SORCS3: variants seen among roughly 807,000 people sequenced by gnomAD.
The protein encoded by SORCS3 is VPS10 domain-containing receptor SorCS3.
A neutral mutation model predicts 146.3 loss-of-function variants in SORCS3; 57 were observed. That is an observed-to-expected ratio of 0.39 (90% CI 0.31 to 0.49). SORCS3 has a LOEUF of 0.49. SORCS3 is among the 20% of genes least tolerant of loss of function. The pLI, the probability that SORCS3 is intolerant of heterozygous loss-of-function variation, is 0.92. For missense variants in SORCS3, 1,341 were observed against 1,575.5 expected (o/e 0.85, Z 2.52); for synonymous variants, 653 against 618.5 (o/e 1.06, Z -0.83).
chr10:104,750,094 A>G (rs1028346108), intron 1 of SORCS3, among the ~76,000 whole-genome samples: 1 of 152,206 alleles, frequency 6.6e-6, no homozygotes, highest in Non-Finnish European at 1.5e-5. Context: ...GGGTAGTACT[A>G]ACTTATATTA....
chr10:104,954,408 G>A (rs2019465668), intron 3 of SORCS3, among the ~76,000 whole-genome samples: 2 of 152,178 alleles, frequency 1.3e-5, no homozygotes, highest in South Asian at 4.2e-4. Context: ...AAAGCCAGGT[G>A]GGTGAGATAC....
intron 4 of SORCS3, 87 bp from the exon 5 acceptor site, chr10:105,042,968 G>C: frequency 8.9e-7 from 1 of 1,117,548 alleles, no homozygotes; most frequent in Admixed American, 1.7e-5. Context: ...TGGGCACTCT[G>C]GTGTTGGGAT....
chr10:105,166,369 C>T (rs542178688), intron 12 of SORCS3, among the ~76,000 whole-genome samples: 1 of 152,234 alleles, frequency 6.6e-6, no homozygotes, highest in East Asian at 1.9e-4. Context: ...TAGGAATTCT[C>T]CAAGCATACT....
intron 1 of SORCS3, among the ~76,000 whole-genome samples, chr10:104,827,847 A>C (rs2017955766): frequency 6.6e-6 from 1 of 152,174 alleles, no homozygotes; most frequent in Non-Finnish European, 1.5e-5. Context: ...CTCCATCAGA[A>C]CTTGCTGCTT....
intron 20 of SORCS3, among the ~76,000 whole-genome samples, chr10:105,230,147 T>G (rs1469633743): frequency 6.6e-6 from 1 of 152,032 alleles, no homozygotes; most frequent in Non-Finnish European, 1.5e-5. Flanking sequence ...GTACTGGTTG[T>G]GGTAGACTAG....
chr10:104,821,291 T>C (rs139844284), intron 1 of SORCS3, among the ~76,000 whole-genome samples: 315 of 152,246 alleles, frequency 2.1e-3, no homozygotes, highest in Middle Eastern at 0.01. Flanking sequence ...CCAGAAAATA[T>C]AATGGGCCAC....
chr10:104,741,180 A>C (rs149827079), intron 1 of SORCS3, among the ~76,000 whole-genome samples: 70 of 118,230 alleles, frequency 5.9e-4, no homozygotes, highest in Admixed American at 3.6e-3. Flanking sequence ...TATGTTGCCC[A>C]GGTTGTTCTC....
At chr10:105,081,443 G>A (rs2055624777) in intron 5 of SORCS3, among the ~76,000 whole-genome samples, 1 of 152,296 alleles carries the variant, frequency 6.6e-6, no homozygotes, top group East Asian at 1.9e-4. Flanking sequence ...TTGGTTTCTG[G>A]TCTATGGCAT....
chr10:104,940,230 ATATATATATTTTTTTTTTTT>A (rs1234641124), intron 3 of SORCS3, among the ~76,000 whole-genome samples: 1 of 23,946 alleles, frequency 4.2e-5, no homozygotes, highest in African/African-American at 1.6e-4. Flanking sequence ...ATATATATAT[ATATATATATTTTTTTTTTTT>A]TTTTTATTAT....
intron 7 of SORCS3, among the ~76,000 whole-genome samples, chr10:105,117,390 G>A (rs1329663709): frequency 6.6e-6 from 1 of 152,178 alleles, no homozygotes; most frequent in Non-Finnish European, 1.5e-5. Context: ...TCCAGTTATT[G>A]TAGGTAGAGT....
At chr10:104,949,385 A>G (rs1039682408) in intron 3 of SORCS3, among the ~76,000 whole-genome samples, 9 of 146,416 alleles carry the variant, frequency 6.1e-5, no homozygotes, top group Admixed American at 6.0e-4. Context: ...TGGCTGTTCA[A>G]GAGAATGATA....
At chr10:104,725,370 G>T (rs2016613342) in intron 1 of SORCS3, among the ~76,000 whole-genome samples, 1 of 152,196 alleles carries the variant, frequency 6.6e-6, no homozygotes, top group Non-Finnish European at 1.5e-5. Flanking sequence ...GGCATGTGAG[G>T]TGTCAGTCTG....
intron 3 of SORCS3, among the ~76,000 whole-genome samples, chr10:104,921,885 G>C (rs1195377344): frequency 6.6e-6 from 1 of 152,132 alleles, no homozygotes; most frequent in South Asian, 2.1e-4. Context: ...CTGTTCATTA[G>C]TGTTAGAGGA....
At chr10:104,765,769 A>T (rs1478975518) in intron 1 of SORCS3, among the ~76,000 whole-genome samples, 1 of 152,212 alleles carries the variant, frequency 6.6e-6, no homozygotes, top group African/African-American at 2.4e-5. Flanking sequence ...TAGCTCATTT[A>T]ATTTTTTTAA....
intron 1 of SORCS3, among the ~76,000 whole-genome samples, chr10:104,790,216 A>C (rs549664737): frequency 6.6e-6 from 1 of 152,368 alleles, no homozygotes; most frequent in South Asian, 2.1e-4. Flanking sequence ...AAGGTGCATA[A>C]ATTCAAGTAT....
At chr10:105,081,256 TG>T (rs1364281018) in intron 5 of SORCS3, among the ~76,000 whole-genome samples, 2 of 152,190 alleles carry the variant, frequency 1.3e-5, no homozygotes, top group African/African-American at 4.8e-5. Context: ...TTTTAATTCC[TG>T]GGGAAGTTTT....
At chr10:104,723,388 T>G (rs2016576021) in intron 1 of SORCS3, among the ~76,000 whole-genome samples, 1 of 152,214 alleles carries the variant, frequency 6.6e-6, no homozygotes, top group Non-Finnish European at 1.5e-5. Flanking sequence ...TGAGGAGTGT[T>G]TTACTTCCCA....
intron 4 of SORCS3, among the ~76,000 whole-genome samples, chr10:105,036,935 A>G (rs1038654439): frequency 3.3e-5 from 5 of 152,180 alleles, no homozygotes; most frequent in Admixed American, 3.3e-4. Flanking sequence ...ACAGTTATAC[A>G]TTAAGTTTAA....
At chr10:104,801,482 AAGGGCC>A (rs1240403185) in intron 1 of SORCS3, among the ~76,000 whole-genome samples, 1 of 152,200 alleles carries the variant, frequency 6.6e-6, no homozygotes, top group African/African-American at 2.4e-5. Flanking sequence ...ACCTCTCTTA[AAGGGCC>A]AGCTCCCCAC....
Sources: allele counts gnomAD v4.1 joint callset (sites outside exome capture counted in the v4.1 genomes callset), GRCh38; gene constraint gnomAD v4.1.1; transcripts MANE v1.5; gene names NCBI Gene and HGNC (gene_info 2026-07-23, HGNC 2026-07-21).